ARHGEF33: variants seen among roughly 807,000 people sequenced by gnomAD.
The protein encoded by ARHGEF33 is DH and coiled-coil domain-containing protein ENSP00000381780.
A neutral mutation model predicts 101.9 loss-of-function variants in ARHGEF33; 72 were observed. The observed-to-expected ratio is 0.71, with a 90% CI of 0.58 to 0.86. ARHGEF33 has a LOEUF of 0.86. Ranked by LOEUF, ARHGEF33 falls within the 40% of genes least tolerant of loss-of-function variation. The pLI is 0.00. For synonymous variants in ARHGEF33, 499 were observed against 442.5 expected (o/e 1.13, Z -1.60); for missense variants, 1,169 against 1,111.3 (o/e 1.05, Z -0.74).
intron 1 of ARHGEF33, among the ~76,000 whole-genome samples, chr2:38,892,654 C>G (rs1298729165): frequency 3.3e-5 from 5 of 152,174 alleles, no homozygotes. Context: ...CATATTCAGC[C>G]TCCTTTTAGT....
chr2:38,929,891 A>C, intron 6 of ARHGEF33, 61 bp downstream of exon 6: 1 of 1,454,038 alleles, frequency 6.9e-7, no homozygotes, highest in East Asian at 2.5e-5. Context: ...CTGCAGAGGC[A>C]CCTGGTACAC....
rs140114260 is a variant in ARHGEF33, at chr2:38,925,397, C to T, written c.76-3510C>T. On this transcript the variant is annotated intron_variant, in intron 4 of 17. Transcript: ENST00000409978. ...TTGTAAATCCTGATTGAGACTAAGT[C>T]TCTTTTTGCCATTGAGGAATGTTCT... Among the ~76,000 whole-genome samples, 1,263 of 152,250 alleles carry T rather than the reference C, an allele frequency of 8.3e-3. 12 individuals are homozygous for T. Among genetic ancestry groups the T allele is most frequent in the Non-Finnish European group, 0.015 (987 of 68,020 alleles).
At chr2:38,938,666 C>T (rs1667219568) in intron 9 of ARHGEF33, among the ~76,000 whole-genome samples, 2 of 152,154 alleles carry the variant, frequency 1.3e-5, no homozygotes. Context: ...CCCCTGTGAT[C>T]ACCACCCAGA....
At chr2:38,953,339 C>G in intron 12 of ARHGEF33, 94 bp downstream of exon 12, 2 of 757,186 alleles carry the variant, frequency 2.6e-6, no homozygotes, top group South Asian at 3.1e-5. Flanking sequence ...ATGCACTGTG[C>G]TTTCTAGGCT....
intron 5 of ARHGEF33, among the ~76,000 whole-genome samples, chr2:38,929,406 C>T (rs890674332): frequency 1.3e-5 from 2 of 150,976 alleles, no homozygotes; most frequent in Admixed American, 1.3e-4. Flanking sequence ...CCAGCCTGGG[C>T]GACAGAGCAA....
intron 2 of ARHGEF33, among the ~76,000 whole-genome samples, chr2:38,913,065 C>G (rs910529411): frequency 7.0e-6 from 1 of 142,780 alleles, no homozygotes; most frequent in Non-Finnish European, 1.5e-5. Context: ...GAGACAGGAT[C>G]TTGCTCTGTC....
At position 38,960,142 on chromosome 2, in the gene ARHGEF33, T is replaced by C. The variant is rs1667880185; in HGVS notation, c.1837T>C (p.Tyr613His). The change falls in exon 16 of 18, where the codon TAC (tyrosine) becomes CAC (histidine). Residue 613 changes from tyrosine (Y) to histidine (H), a missense_variant. By Grantham distance (83) the Tyr-to-His change is moderately conservative. Coordinates refer to ENST00000409978, the MANE Select transcript of ARHGEF33 (RefSeq NM_001145451.5). ...TGCCCGCGGCTTCGTGCCCGCGGCC[T>C]ACGAAGAGTTCGAGTACGGCGGCGA... ...PDARGFVPAA[Y>H]EEFEYGGEIF... The C allele has an allele frequency of 1.3e-6, 2 of 1,542,780 alleles. No individual in the cohort carries two copies. The highest frequency in any genetic ancestry group is 1.7e-6 in the Non-Finnish European group (2 of 1,145,566).
intron 15 of ARHGEF33, chr2:38,959,519 A>C: frequency 4.0e-6 from 1 of 249,864 alleles, no homozygotes; most frequent in Non-Finnish European, 7.6e-6. Context: ...AAGGGAGAGA[A>C]GAGAGTTGAA....
intron 10 of ARHGEF33, among the ~76,000 whole-genome samples, chr2:38,946,370 C>CTA (rs1667451083): frequency 6.6e-6 from 1 of 152,124 alleles, no homozygotes; most frequent in Admixed American, 6.5e-5. Flanking sequence ...AAAGTAAGAT[C>CTA]ATAGTTATTT....
intron 12 of ARHGEF33, among the ~76,000 whole-genome samples, chr2:38,954,156 A>C (rs1233954435): frequency 6.6e-6 from 1 of 152,242 alleles, no homozygotes; most frequent in Non-Finnish European, 1.5e-5. Context: ...TGGATTCAAA[A>C]TAAGTATATG....
At chr2:38,924,942 A>C (rs144471632) in intron 4 of ARHGEF33, among the ~76,000 whole-genome samples, 415 of 152,276 alleles carry the variant, frequency 2.7e-3, no homozygotes, top group Middle Eastern at 0.01. Context: ...AAGCAACATA[A>C]ATTTCCAACA....
At chr2:38,929,668 C>T (rs1666949735) in intron 5 of ARHGEF33, 41 bp from the exon 6 acceptor site, 1 of 1,524,598 alleles carries the variant, frequency 6.6e-7, no homozygotes, top group Admixed American at 2.0e-5. Flanking sequence ...ATACTTTTAC[C>T]CCATGTACCA....
chr2:38,922,962 C>T (rs1666794761), intron 4 of ARHGEF33, among the ~76,000 whole-genome samples: 1 of 152,152 alleles, frequency 6.6e-6, no homozygotes, highest in African/African-American at 2.4e-5. Flanking sequence ...GGTCCAAGTC[C>T]TCCAGACGCT....
chr2:38,933,201 G>A (rs964137756), intron 7 of ARHGEF33, among the ~76,000 whole-genome samples: 5 of 152,114 alleles, frequency 3.3e-5, no homozygotes, highest in African/African-American at 1.2e-4. Flanking sequence ...TGTCATCTCA[G>A]GTGAAGGCTC....
At chr2:38,957,824 A>G in intron 14 of ARHGEF33, 1 of 553,916 alleles carries the variant, frequency 1.8e-6, no homozygotes, top group Non-Finnish European at 3.2e-6. Context: ...CCTTCCCCCA[A>G]GCTCTTTTCA....
chr2:38,897,472 C>T (rs1666147501), intron 2 of ARHGEF33, among the ~76,000 whole-genome samples: 2 of 152,162 alleles, frequency 1.3e-5, no homozygotes, highest in African/African-American at 4.8e-5. Context: ...CTCTAGAACT[C>T]ACTCTCTGTT....
rs115738101 is a variant in ARHGEF33 at position 38,944,157 on chromosome 2, A to G, written c.920+127A>G. On this transcript the variant is annotated intron_variant, in intron 10 of 17. Coordinates refer to ENST00000409978, the MANE Select transcript of ARHGEF33 (RefSeq NM_001145451.5). ...CAGAAATAGTCTTTGAAAAGAGAAG[A>G]GGCAGTGATGGCAGATGTCTCAGTT... 5.2e-4 allele frequency: 505 copies of G among 963,496 alleles called. 1 individual carries two copies. The African/African-American group carries it at 7.4e-3, about 14-fold the overall frequency. The allele number at this position is 963,496 out of a possible 1,614,324, so 59.7% of individuals were successfully genotyped here. A position where few individuals can be genotyped will look rare whatever the true frequency, so the allele number is the denominator to read the frequency against.
intron 16 of ARHGEF33, among the ~76,000 whole-genome samples, chr2:38,963,439 T>C (rs1397914037): frequency 1.3e-5 from 2 of 152,172 alleles, no homozygotes; most frequent in African/African-American, 4.8e-5. Flanking sequence ...TAGGTTCTAG[T>C]CCTGGCTCTG....
At chr2:38,939,623 T>C (rs1165532759) in intron 9 of ARHGEF33, among the ~76,000 whole-genome samples, 1 of 152,222 alleles carries the variant, frequency 6.6e-6, no homozygotes. Context: ...GCTATTCATA[T>C]ATTCTTCTTT....
Sources: gnomAD v4.1 joint callset for allele counts (sites outside exome capture counted in the v4.1 genomes callset) on GRCh38, gnomAD v4.1.1 for gene constraint, MANE v1.5 for transcripts, NCBI Gene and HGNC (gene_info 2026-07-23, HGNC 2026-07-21) for gene names.